The following ADAM28 variants were observed in gnomAD, a reference collection of about 807,000 sequenced individuals.
ADAM28 encodes ADAM metallopeptidase domain 28, also known as disintegrin and metalloproteinase domain-containing protein 28.
In ADAM28, 105 loss-of-function variants were observed where a neutral mutation model predicts 101.2. The ratio of observed to expected loss-of-function variants is 1.04; its 90% CI spans 0.89 to 1.22. The LOEUF is 1.22. Among genes scored for constraint, ADAM28 ranks in the 50% most tolerant of loss-of-function variants. The pLI, the probability that ADAM28 is intolerant of heterozygous loss-of-function variation, is 0.00. For synonymous variants in ADAM28, 322 were observed against 310.6 expected (o/e 1.04, Z -0.39); for missense variants, 1,028 against 945.4 (o/e 1.09, Z -1.15).
Position 24,323,874 on chromosome 8 carries a change from T to C in ADAM28, c.761T>C (p.Met254Thr). ...AATACTCATGTGGCCTTAGTTGGTA[T>C]GGAAATCTGGACTGACAAGGATAAG... ...KLNTHVALVG[M>T]EIWTDKDKIK... Residue 254 changes from methionine to threonine, a missense_variant, in exon 9 of 23, where the codon ATG becomes ACG. Coordinates refer to ENST00000265769, the MANE Select transcript of ADAM28 (RefSeq NM_014265.6). 6.2e-7 allele frequency: 1 copy of C among 1,612,174 alleles called. No homozygotes were observed. The highest frequency in any genetic ancestry group is 8.5e-7 in the Non-Finnish European group (1 of 1,178,760).
intron 1 of ADAM28, 196 bp from the exon 2 acceptor site, chr8:24,299,776 AGT>A: frequency 2.3e-6 from 1 of 443,906 alleles, no homozygotes. Flanking sequence ...TATAGGCTAA[AGT>A]AAAACTTTAA....
chr8:24,324,560 G>A (rs1812294845), intron 9 of ADAM28, among the ~76,000 whole-genome samples: 1 of 151,974 alleles, frequency 6.6e-6, no homozygotes, highest in South Asian at 2.1e-4. Context: ...TGAAGTTACT[G>A]GAGAGGCTAT....
intron 2 of ADAM28, among the ~76,000 whole-genome samples, chr8:24,306,101 G>T (rs1450755426): frequency 6.6e-6 from 1 of 151,848 alleles, no homozygotes; most frequent in African/African-American, 2.4e-5. Flanking sequence ...ACTTTGGGAG[G>T]CCGAGGCGGG....
In ADAM28 at chr8:24,354,949, A is replaced by C. The variant is rs899621618; in HGVS notation, c.*545A>C. The C allele has an allele frequency of 1.3e-5, 2 of 152,558 alleles. No homozygotes were observed. The highest frequency in any genetic ancestry group is 2.4e-5 in the African/African-American group (1 of 41,432). 9.5% of individuals were successfully genotyped at this position (152,558 alleles called of 1,614,324 possible). On this transcript the variant is annotated 3_prime_UTR_variant, in exon 23 of 23. Transcript: ENST00000265769. The stretch of plus-strand genomic sequence containing the variant: ...ATTTGGTATAACTAAGAATTTAAAA[A>C]TGTTTTATCATATATATTTGTATAA...
rs1816631686 is a variant in ADAM28, at chr8:24,355,594, T to G, written c.*1190T>G. On this transcript the variant is annotated 3_prime_UTR_variant, in exon 23 of 23. Coordinates refer to ENST00000265769, the MANE Select transcript of ADAM28 (RefSeq NM_014265.6). Reference sequence around the variant, plus strand: ...GAAAATTTTTCCTCGTCTCTTTTTCTGGATATGGGCATCTGAATACTCTAG... The same window carrying G: ...GAAAATTTTTCCTCGTCTCTTTTTCGGGATATGGGCATCTGAATACTCTAG... The G allele has an allele frequency of 1.3e-5, 2 of 152,030 alleles. No homozygotes were observed. The highest frequency in any genetic ancestry group is 2.9e-5 in the Non-Finnish European group (2 of 67,990). 9.4% of individuals were successfully genotyped at this position (152,030 alleles called of 1,614,324 possible). A position where few individuals can be genotyped will look rare whatever the true frequency, so the allele number is the denominator to read the frequency against.
chr8:24,330,122 C>T lies in ADAM28; in HGVS notation c.1103+7C>T. Reference sequence around the variant, plus strand: ...TGATGGACAAAGCACTGAGGTGAGGCTCTCTGGGCCCTGGGGACATGCTAT... The same window carrying T: ...TGATGGACAAAGCACTGAGGTGAGGTTCTCTGGGCCCTGGGGACATGCTAT... On this transcript the variant is annotated splice_region_variant and intron_variant, in intron 11 of 22. Coordinates refer to ENST00000265769, the MANE Select transcript of ADAM28 (RefSeq NM_014265.6). The T allele has an allele frequency of 6.2e-7, 1 of 1,611,546 alleles. No homozygotes were observed.
At chr8:24,304,723 G>A (rs1809311766) in intron 2 of ADAM28, among the ~76,000 whole-genome samples, 1 of 151,792 alleles carries the variant, frequency 6.6e-6, no homozygotes. Flanking sequence ...AAAATTAGCT[G>A]GGTGTGGTGG....
chr8:24,302,385 G>A (rs568800472), intron 2 of ADAM28, among the ~76,000 whole-genome samples: 10 of 152,266 alleles, frequency 6.6e-5, no homozygotes, highest in Non-Finnish European at 1.0e-4. Flanking sequence ...ACTGTGAATA[G>A]TGCCGCAATG....
Position 24,350,320 on chromosome 8 carries a change from C to CT in ADAM28, c.2099+356dup, listed in dbSNP as rs202136002. Among the ~76,000 whole-genome samples the CT allele has an allele frequency of 3.7e-3, 557 of 151,858 alleles. 3 individuals are homozygous for CT. The highest frequency in any genetic ancestry group is 0.012 in the African/African-American group (515 of 41,442). On this transcript the variant is annotated intron_variant, in intron 19 of 22. Coordinates refer to ENST00000265769, the MANE Select transcript of ADAM28 (RefSeq NM_014265.6). The stretch of plus-strand genomic sequence containing the variant: ...ACTGTGCTAAGCACCGCCCCACCCA[C>CT]TTTTTTTTGAGACAAGAGTCTCCCT...
chr8:24,320,199 CA>C (rs1210778867), intron 6 of ADAM28, 36 bp from the exon 7 acceptor site: 1 of 1,437,202 alleles, frequency 7.0e-7, no homozygotes. Context: ...TTGCAGAAAA[CA>C]ATATTGTATC....
intron 4 of ADAM28, among the ~76,000 whole-genome samples, chr8:24,310,882 T>G (rs988525877): frequency 6.6e-6 from 1 of 152,174 alleles, no homozygotes; most frequent in South Asian, 2.1e-4. Flanking sequence ...TTGCTCCAAA[T>G]GGAGGCAAGA....
chr8:24,345,244 T>C (rs1260947023), intron 18 of ADAM28, among the ~76,000 whole-genome samples: 1 of 152,034 alleles, frequency 6.6e-6, no homozygotes, highest in Non-Finnish European at 1.5e-5. Context: ...GCTTTTTTCT[T>C]CCATTGAAGA....
chr8:24,318,304 C>T (rs1401197712), intron 6 of ADAM28, among the ~76,000 whole-genome samples: 1 of 151,980 alleles, frequency 6.6e-6, no homozygotes, highest in African/African-American at 2.4e-5. Context: ...ATCGTTTTGG[C>T]TTTCCTCTAC....
intron 10 of ADAM28, among the ~76,000 whole-genome samples, chr8:24,327,493 C>T (rs1812780081): frequency 6.6e-6 from 1 of 151,920 alleles, no homozygotes; most frequent in African/African-American, 2.4e-5. Context: ...CAGTGCTATA[C>T]CCATCATACA....
At position 24,353,786 on chromosome 8, in the gene ADAM28, C is replaced by T. The variant is rs1816452132; in HGVS notation, c.2261C>T (p.Ala754Val). The T allele has an allele frequency of 6.6e-7, 1 of 1,519,120 alleles. No individual in the cohort carries two copies. Among genetic ancestry groups the T allele is most frequent in the South Asian group, 1.1e-5 (1 of 89,076 alleles). 94.1% of individuals were successfully genotyped at this position (1,519,120 alleles called of 1,614,324 possible). ...TTAACGTAGCATAAAGACACAAACG[C>T]ACTTCCCCCTACTGTTTTCAAGGAT... is the stretch of plus-strand genomic sequence containing the variant. ...PPASFHKDTN[A>V]LPPTVFKDNP... Residue 754 changes from alanine to valine, a missense_variant, in exon 22 of 23, where the codon GCA becomes GTA. Transcript: ENST00000265769.
intron 2 of ADAM28, among the ~76,000 whole-genome samples, chr8:24,301,728 T>G (rs894901256): frequency 6.6e-5 from 10 of 152,160 alleles, no homozygotes; most frequent in Admixed American, 1.3e-4. Context: ...CTAAATTGAT[T>G]TAATATATGG....
At chr8:24,300,277 G>T (rs963761129) in intron 2 of ADAM28, among the ~76,000 whole-genome samples, 200 bp downstream of exon 2, 1 of 152,062 alleles carries the variant, frequency 6.6e-6, no homozygotes, top group Non-Finnish European at 1.5e-5. Flanking sequence ...AAATAACAAT[G>T]ATTATATTTG....
At chr8:24,334,414 CACATGAAGAAAGCAGGA>C (rs1402500669) in intron 13 of ADAM28, among the ~76,000 whole-genome samples, 1 of 152,132 alleles carries the variant, frequency 6.6e-6, no homozygotes, top group African/African-American at 2.4e-5. Flanking sequence ...TCTTCCCAAG[CACATGAAGAAAGCAGGA>C]GCAGCAATTT....
rs529259042 is a variant in ADAM28 at position 24,300,867 on chromosome 8, C to G, written c.150+790C>G. On this transcript the variant is annotated intron_variant, in intron 2 of 22. Transcript: ENST00000265769. The stretch of plus-strand genomic sequence containing the variant: ...GCAGGTGAATGCATGTATATATGCA[C>G]ATTAACATGAAATTTACCTGTCTTT... 6.6e-5 allele frequency: 10 copies of G among 152,220 alleles called. No homozygotes were observed. In the East Asian group the frequency reaches 1.4e-3, roughly 21 times the overall value. The allele number at this position is 152,220 out of a possible 1,614,324, so 9.4% of individuals were successfully genotyped here.
Sources: gnomAD v4.1 joint callset for allele counts (sites outside exome capture counted in the v4.1 genomes callset) on GRCh38, gnomAD v4.1.1 for gene constraint, MANE v1.5 for transcripts, NCBI Gene and HGNC (gene_info 2026-07-23, HGNC 2026-07-21) for gene names.